Variants in UBXN11 observed in about 807,000 individuals in gnomAD.
UBXN11 encodes UBX domain-containing protein 11.
Under a neutral mutation model 62.8 loss-of-function variants are expected in UBXN11, and 47 were observed. The observed-to-expected ratio is 0.75, with a 90% CI of 0.59 to 0.95. UBXN11 has a LOEUF of 0.95. Among genes scored for constraint, UBXN11 ranks in the 40% least tolerant of loss-of-function variants. The pLI is 0.00. For missense variants in UBXN11, 638 were observed against 661.7 expected (o/e 0.96, Z 0.39); for synonymous variants, 294 against 267.0 (o/e 1.10, Z -0.99).
chr1:26,291,740 G>A (rs1037427650), intron 8 of UBXN11, among the ~76,000 whole-genome samples: 1 of 152,128 alleles, frequency 6.6e-6, no homozygotes, highest in African/African-American at 2.4e-5. Context: ...CACCCAATAG[G>A]GCCTCACCTC....
intron 1 of UBXN11, among the ~76,000 whole-genome samples, chr1:26,316,328 C>A (rs1171197064): frequency 6.6e-6 from 1 of 151,628 alleles, no homozygotes. Context: ...AACACAAGGC[C>A]CAAAACAATA....
At position 26,296,816 on chromosome 1, in the gene UBXN11, G is replaced by T. The variant is rs1212853001; in HGVS notation, c.432+103C>A. 3.3e-6 allele frequency: 4 copies of T among 1,213,008 alleles called. No homozygotes were observed. The East Asian group carries it at 1.0e-4, about 31-fold the overall frequency. 75.1% of individuals were successfully genotyped at this position (1,213,008 alleles called of 1,614,324 possible). ...GGGTCCCTGGGTGGGATGTGACGAG[G>T]AGAGGCCCAGAGAGGTGGGCTCGGA... On this transcript the variant is annotated intron_variant, in intron 7 of 14. Coordinates refer to ENST00000374222, the MANE Select transcript of UBXN11 (RefSeq NM_001389556.1).
intron 8 of UBXN11, among the ~76,000 whole-genome samples, chr1:26,287,661 C>T (rs2073163213): frequency 6.6e-6 from 1 of 152,014 alleles, no homozygotes; most frequent in Non-Finnish European, 1.5e-5. Flanking sequence ...GTTGCTTTTG[C>T]AGCAGGTGAA....
chr1:26,286,257 A>G (rs1247311251), intron 8 of UBXN11, among the ~76,000 whole-genome samples: 1 of 152,204 alleles, frequency 6.6e-6, no homozygotes, highest in Non-Finnish European at 1.5e-5. Context: ...CCCACTTCTT[A>G]TCAAGCCTAT....
At position 26,300,979 on chromosome 1, in the gene UBXN11, T is replaced by C. The variant is rs1484033026; in HGVS notation, c.146A>G (p.Lys49Arg). Residue 49 changes from lysine (K) to arginine (R), a missense_variant, in exon 4 of 15, where the codon AAG (lysine) becomes AGG (arginine). Lys to Arg is a conservative substitution (Grantham distance 26). Coordinates refer to ENST00000374222, the MANE Select transcript of UBXN11 (RefSeq NM_001389556.1). ...MLSDGCGSEEKISVPSCYGGI... is the reference protein window; with the variant it reads ...MLSDGCGSEERISVPSCYGGI... ...GCCATAGCAGGAAGGGACTGAGATC[T>C]TTTCTTCTGAGCCACACCCATCACT... The C allele has an allele frequency of 3.7e-6, 6 of 1,614,064 alleles. No homozygotes were observed. The South Asian group carries it at 5.5e-5, about 15-fold the overall frequency.
At chr1:26,301,190 T>C in intron 3 of UBXN11, 166 bp from the exon 4 acceptor site, 1 of 1,362,758 alleles carries the variant, frequency 7.3e-7, no homozygotes, top group Non-Finnish European at 9.8e-7. Context: ...AATGGGGCTG[T>C]TTTGGAGTTC....
intron 7 of UBXN11, among the ~76,000 whole-genome samples, chr1:26,296,097 GGA>G (rs1361770125): frequency 1.3e-5 from 2 of 152,246 alleles, no homozygotes; most frequent in African/African-American, 2.4e-5. Context: ...GCGTGGAGAG[GGA>G]GAGAGGCTGA....
chr1:26,298,430 G>A (rs958154087), intron 4 of UBXN11, among the ~76,000 whole-genome samples: 1 of 152,198 alleles, frequency 6.6e-6, no homozygotes, highest in East Asian at 1.9e-4. Context: ...ACAGCAGATA[G>A]AGGAGTGAGG....
Position 26,313,782 on chromosome 1 carries a change from C to CT in UBXN11, c.-149+4264dup, listed in dbSNP as rs56037016. On this transcript the variant is annotated intron_variant, in intron 1 of 14. Coordinates refer to the UBXN11 transcript ENST00000374217. ...TTGGTTCTTTACTATAATTTTTTTTCTTTTTTTTTTTTTTTTGAGACTTAG... is the reference window on the plus strand; with the variant it reads ...TTGGTTCTTTACTATAATTTTTTTTCTTTTTTTTTTTTTTTTTGAGACTTAG... 7.3e-3 allele frequency among the ~76,000 whole-genome samples: 921 copies of CT among 125,862 alleles called. 8 individuals are homozygous for CT. Among genetic ancestry groups the CT allele is most frequent in the African/African-American group, 0.021 (733 of 34,906 alleles). The allele number at this position is 125,862 out of a possible 152,430, so 82.6% of individuals were successfully genotyped here.
intron 1 of UBXN11, among the ~76,000 whole-genome samples, chr1:26,314,431 G>A (rs2073771910): frequency 6.6e-6 from 1 of 152,192 alleles, no homozygotes; most frequent in Admixed American, 6.5e-5. Flanking sequence ...CAGTTTCTCA[G>A]CTGTCCCCTC....
chr1:26,297,601 T>C, intron 5 of UBXN11, 120 bp from the exon 6 acceptor site: 3 of 1,223,764 alleles, frequency 2.5e-6, no homozygotes, highest in Non-Finnish European at 3.3e-6. Context: ...CTGCCACCCT[T>C]TGGCACAGCC....
intron 8 of UBXN11, among the ~76,000 whole-genome samples, chr1:26,292,063 C>T (rs2073281269): frequency 6.6e-6 from 1 of 152,244 alleles, no homozygotes. Context: ...CACCCTCAAG[C>T]TGGGCATCAT....
chr1:26,295,002 T>C (rs918356346), intron 7 of UBXN11, among the ~76,000 whole-genome samples: 6 of 152,062 alleles, frequency 3.9e-5, no homozygotes, highest in Non-Finnish European at 7.4e-5. Flanking sequence ...CACCAACTCA[T>C]GGGGGCCCAG....
At position 26,285,572 on chromosome 1, in the gene UBXN11, G is replaced by C; in HGVS notation, c.775-31C>G. The C allele has an allele frequency of 1.3e-6, 2 of 1,533,022 alleles. 1 individual carries two copies. Among genetic ancestry groups the C allele is most frequent in the South Asian group, 2.5e-5 (2 of 79,988 alleles). 95.0% of individuals were successfully genotyped at this position (1,533,022 alleles called of 1,614,324 possible). A position where few individuals can be genotyped will look rare whatever the true frequency, so the allele number is the denominator to read the frequency against. ...AGGGAAGAGGAAAAGTGAGGGGGTG[G>C]CCTGGGCCTTGGGCCCACCCTGCCC... On this transcript the variant is annotated intron_variant, in intron 9 of 14. Coordinates refer to ENST00000374222, the MANE Select transcript of UBXN11 (RefSeq NM_001389556.1).
chr1:26,300,859 G>A, intron 4 of UBXN11, 67 bp downstream of exon 4: 1 of 1,611,992 alleles, frequency 6.2e-7, no homozygotes. Flanking sequence ...GCCTCCCTAG[G>A]CCTTGCCCCG....
intron 1 of UBXN11, among the ~76,000 whole-genome samples, chr1:26,303,958 C>G (rs777566530): frequency 6.6e-6 from 1 of 152,136 alleles, no homozygotes; most frequent in Non-Finnish European, 1.5e-5. Context: ...AGGACATAAT[C>G]GAAGGCTACT....
chr1:26,292,715 A>G (rs905962656), intron 8 of UBXN11, among the ~76,000 whole-genome samples: 1 of 151,650 alleles, frequency 6.6e-6, no homozygotes, highest in Non-Finnish European at 1.5e-5. Flanking sequence ...TCAGCCGGGC[A>G]TGGTGGTGGG....
At chr1:26,289,771 G>GC (rs1305659079) in intron 8 of UBXN11, among the ~76,000 whole-genome samples, 1 of 152,214 alleles carries the variant, frequency 6.6e-6, no homozygotes, top group Non-Finnish European at 1.5e-5. Flanking sequence ...AGAGGTGGCA[G>GC]CCCCTCACTG....
At chr1:26,287,424 T>G (rs1570090653) in intron 8 of UBXN11, among the ~76,000 whole-genome samples, 1 of 152,068 alleles carries the variant, frequency 6.6e-6, no homozygotes, top group South Asian at 2.1e-4. Flanking sequence ...GCTGGCTGGG[T>G]ACAGACCAGG....
Sources: allele counts gnomAD v4.1 joint callset (sites outside exome capture counted in the v4.1 genomes callset), GRCh38; gene constraint gnomAD v4.1.1; transcripts MANE v1.5; gene names NCBI Gene and HGNC (gene_info 2026-07-23, HGNC 2026-07-21).